The following IL1RAPL1 variants were observed in gnomAD, a reference collection of about 807,000 sequenced individuals.
The protein encoded by IL1RAPL1 is interleukin 1 receptor accessory protein like 1.
IL1RAPL1 carries 3 observed loss-of-function variants against 48.4 expected under a neutral mutation model. The observed-to-expected ratio is 0.06, with a 90% confidence interval of 0.03 to 0.16. The LOEUF is 0.16. IL1RAPL1 is among the 10% of genes least tolerant of loss of function. The pLI, the probability that IL1RAPL1 is intolerant of heterozygous loss-of-function variation, is 1.00. For synonymous variants in IL1RAPL1, 185 were observed against 187.7 expected (o/e 0.99, Z 0.12); for missense variants, 349 against 530.6 (o/e 0.66, Z 3.36).
intron 2 of IL1RAPL1, among the ~76,000 whole-genome samples, chrX:28,895,166 G>A (rs1022974423): frequency 9.0e-6 from 1 of 110,524 alleles, no homozygotes; most frequent in Non-Finnish European, 1.9e-5. Context: ...ATATGGGTTC[G>A]GCACCACGGG....
chrX:29,299,719 G>A (rs1216676459), intron 3 of IL1RAPL1, among the ~76,000 whole-genome samples: 4 of 112,147 alleles, frequency 3.6e-5, no homozygotes, highest in Non-Finnish European at 7.5e-5. Context: ...AAATCTGATG[G>A]ATCAGCATGC....
intron 5 of IL1RAPL1, among the ~76,000 whole-genome samples, chrX:29,606,928 G>A (rs1431677204): frequency 1.8e-5 from 2 of 111,601 alleles, no homozygotes; most frequent in Non-Finnish European, 3.8e-5. Flanking sequence ...CCTATAAGGG[G>A]TAGTATTTTT....
intron 6 of IL1RAPL1, among the ~76,000 whole-genome samples, chrX:29,793,845 C>T (rs893775797): frequency 4.5e-5 from 5 of 111,921 alleles, no homozygotes; most frequent in Admixed American, 1.9e-4. Flanking sequence ...ATATATTTTC[C>T]GTAGCACTAA....
intron 2 of IL1RAPL1, among the ~76,000 whole-genome samples, chrX:29,104,748 C>G (rs1928414510): frequency 9.6e-6 from 1 of 103,787 alleles, no homozygotes; most frequent in Admixed American, 1.1e-4. Context: ...AAAATATACA[C>G]CTACTATGTA....
chrX:29,606,188 G>T (rs1335595646), intron 5 of IL1RAPL1, among the ~76,000 whole-genome samples: 1 of 111,757 alleles, frequency 8.9e-6, no homozygotes, highest in Admixed American at 9.5e-5. Flanking sequence ...TTTAAGTTAT[G>T]CATAGAAATG....
chrX:29,393,435 C>G (rs1330814146), intron 3 of IL1RAPL1, among the ~76,000 whole-genome samples: 1 of 111,775 alleles, frequency 8.9e-6, no homozygotes, highest in Non-Finnish European at 1.9e-5. Flanking sequence ...TTCCCTAGTT[C>G]TCAAAAATAA....
intron 2 of IL1RAPL1, among the ~76,000 whole-genome samples, chrX:28,933,316 C>T (rs1490418816): frequency 4.5e-5 from 5 of 111,272 alleles, no homozygotes; most frequent in Non-Finnish European, 9.4e-5. Context: ...CATTGCAGCT[C>T]AGTGGCCATC....
intron 2 of IL1RAPL1, among the ~76,000 whole-genome samples, chrX:29,155,778 C>T (rs1314819388): frequency 9.0e-6 from 1 of 111,395 alleles, no homozygotes; most frequent in Admixed American, 9.6e-5. Context: ...TTTATTCTAA[C>T]AAGATAATAG....
intron 5 of IL1RAPL1, among the ~76,000 whole-genome samples, chrX:29,415,589 T>G (rs1188163973): frequency 1.8e-5 from 2 of 110,727 alleles, no homozygotes; most frequent in Non-Finnish European, 3.8e-5. Flanking sequence ...CCGGCTAATT[T>G]TTTGTATTTT....
At chrX:29,591,396 C>G (rs190163552) in intron 5 of IL1RAPL1, among the ~76,000 whole-genome samples, 2 of 112,448 alleles carry the variant, frequency 1.8e-5, no homozygotes, top group Non-Finnish European at 3.8e-5. Flanking sequence ...TAAGCACAAC[C>G]CTGACGCTGT....
intron 2 of IL1RAPL1, among the ~76,000 whole-genome samples, chrX:28,993,841 A>G (rs1421791040): frequency 3.6e-5 from 4 of 111,996 alleles, no homozygotes; most frequent in Non-Finnish European, 7.5e-5. Context: ...AAATTGTGCC[A>G]TATATTAAAT....
intron 3 of IL1RAPL1, among the ~76,000 whole-genome samples, chrX:29,394,774 T>G (rs1933901098): frequency 8.9e-6 from 1 of 112,157 alleles, no homozygotes; most frequent in South Asian, 3.6e-4. Context: ...TCTGATTACC[T>G]TTGTTTAATG....
At chrX:29,449,774 C>CAG (rs769103688) in intron 5 of IL1RAPL1, among the ~76,000 whole-genome samples, 1,938 of 40,861 alleles carry the variant, frequency 0.047, 33 homozygotes, top group Non-Finnish European at 0.058. Context: ...CACACACACA[C>CAG]ACACACAGAG....
intron 2 of IL1RAPL1, among the ~76,000 whole-genome samples, chrX:28,872,026 G>C (rs915522788): frequency 3.6e-5 from 4 of 111,273 alleles, no homozygotes; most frequent in African/African-American, 1.3e-4. Flanking sequence ...ACTATTATTA[G>C]AGATAGGGTC....
At chrX:28,865,436 C>G (rs1313611310) in intron 2 of IL1RAPL1, among the ~76,000 whole-genome samples, 21 of 66,649 alleles carry the variant, frequency 3.2e-4, no homozygotes, top group African/African-American at 1.2e-3. Flanking sequence ...GAGACCCTGT[C>G]TCAAAAAAAA....
chrX:29,781,204 T>C (rs974879171), intron 6 of IL1RAPL1, among the ~76,000 whole-genome samples: 1 of 112,211 alleles, frequency 8.9e-6, no homozygotes, highest in African/African-American at 3.2e-5. Context: ...GAAACTATAA[T>C]GTATTAAGCC....
chrX:29,228,372 T>TGTGA (rs1453290035), intron 2 of IL1RAPL1, among the ~76,000 whole-genome samples: 1 of 103,326 alleles, frequency 9.7e-6, no homozygotes, highest in Admixed American at 1.0e-4. Flanking sequence ...TGTGTGTGTG[T>TGTGA]GAGACAGAGT....
intron 6 of IL1RAPL1, among the ~76,000 whole-genome samples, chrX:29,767,067 T>C (rs1054277742): frequency 2.7e-5 from 3 of 111,227 alleles, no homozygotes; most frequent in Non-Finnish European, 5.7e-5. Context: ...CGATGACATG[T>C]CCATTTGATC....
intron 2 of IL1RAPL1, among the ~76,000 whole-genome samples, chrX:29,013,723 G>T (rs375456477): frequency 9.0e-6 from 1 of 110,781 alleles, no homozygotes; most frequent in East Asian, 2.9e-4. Flanking sequence ...GGTGGATGGT[G>T]GGGGAGGGAG....
Sources: allele counts gnomAD v4.1 joint callset (sites outside exome capture counted in the v4.1 genomes callset), GRCh38; gene constraint gnomAD v4.1.1; transcripts MANE v1.5; gene names NCBI Gene and HGNC (gene_info 2026-07-23, HGNC 2026-07-21).